Variants in CASR observed in about 807,000 individuals in gnomAD.
CASR encodes calcium sensing receptor, also known as extracellular calcium-sensing receptor.
A neutral mutation model predicts 69.1 loss-of-function variants in CASR; 23 were observed. The observed-to-expected ratio is 0.33, with a 90% CI of 0.24 to 0.47. CASR has a LOEUF of 0.47. Ranked by LOEUF, CASR falls within the 20% of genes least tolerant of loss-of-function variation. The probability of loss-of-function intolerance (pLI) is 1.00; values close to 1 mark genes in which losing one functional copy is unlikely to be tolerated. For missense variants in CASR, 924 were observed against 1,356.1 expected (o/e 0.68, Z 5.00); for synonymous variants, 541 against 544.7 (o/e 0.99, Z 0.10).
intron 1 of CASR, among the ~76,000 whole-genome samples, chr3:122,234,744 T>C (rs2074313247): frequency 6.6e-6 from 1 of 152,212 alleles, no homozygotes; most frequent in South Asian, 2.1e-4. Flanking sequence ...CTAATCCAAC[T>C]TCAAAGTCAG....
intron 1 of CASR, among the ~76,000 whole-genome samples, chr3:122,196,319 A>G (rs2073889661): frequency 6.6e-6 from 1 of 152,192 alleles, no homozygotes; most frequent in Non-Finnish European, 1.5e-5. Context: ...AAAAATAGAT[A>G]CTACAAAATA....
chr3:122,214,665 A>G (rs1388279514), intron 1 of CASR, among the ~76,000 whole-genome samples: 2 of 152,204 alleles, frequency 1.3e-5, no homozygotes, highest in Non-Finnish European at 2.9e-5. Context: ...CATAAACTGT[A>G]TAGGTACACT....
chr3:122,238,201 C>T (rs1034979563), intron 1 of CASR, among the ~76,000 whole-genome samples: 1 of 152,174 alleles, frequency 6.6e-6, no homozygotes, highest in Non-Finnish European at 1.5e-5. Context: ...CCTCCCCTAT[C>T]CCCCCAGCAG....
intron 1 of CASR, among the ~76,000 whole-genome samples, chr3:122,201,420 A>C (rs1576818278): frequency 6.6e-6 from 1 of 152,184 alleles, no homozygotes; most frequent in African/African-American, 2.4e-5. Context: ...AGACACAGCA[A>C]CCATCCGATT....
In CASR at chr3:122,254,141, T is replaced by C. The variant is rs764310311; in HGVS notation, c.-49T>C. 23 of 1,597,832 alleles carry C rather than the reference T, an allele frequency of 1.4e-5. No homozygotes were observed. The East Asian group carries it at 4.2e-4, about 29-fold the overall frequency. Reference sequence around the variant, plus strand: ...TCCAAGGGAGAAACTTCTGGGAGCCTCCAAACTCCTAGCTGTCTCATCCCT... The same window carrying C: ...TCCAAGGGAGAAACTTCTGGGAGCCCCCAAACTCCTAGCTGTCTCATCCCT... On this transcript the variant is annotated 5_prime_UTR_variant, in exon 2 of 7. Transcript: ENST00000639785.
rs541052349 is a variant in CASR at position 122,291,619 on chromosome 3, T to G, written c.*6428T>G. 1 of 152,328 alleles carries G rather than the reference T, an allele frequency of 6.6e-6. No individual in the cohort carries two copies. The highest frequency in any genetic ancestry group is 1.9e-4 in the East Asian group (1 of 5,190). The allele number at this position is 152,328 out of a possible 1,614,324, so 9.4% of individuals were successfully genotyped here. On this transcript the variant is annotated 3_prime_UTR_variant, in exon 7 of 7. Transcript: ENST00000639785. Reference sequence around the variant, plus strand: ...TATAACAGGAAAATAAAGAAAAGAATTTAAAATAAACATGCAACCAAATTT... The same window carrying G: ...TATAACAGGAAAATAAAGAAAAGAAGTTAAAATAAACATGCAACCAAATTT...
intron 1 of CASR, among the ~76,000 whole-genome samples, chr3:122,222,409 A>G (rs1270495217): frequency 1.3e-5 from 2 of 152,178 alleles, no homozygotes; most frequent in Non-Finnish European, 2.9e-5. Context: ...AGAAAAAAAA[A>G]TTCCTATTTG....
intron 5 of CASR, 108 bp downstream of exon 5, chr3:122,276,150 C>A: frequency 1.3e-6 from 1 of 756,098 alleles, no homozygotes; most frequent in Non-Finnish European, 2.4e-6. Context: ...AATAAAGAGT[C>A]CACTTCCCTG....
At chr3:122,205,955 C>G (rs779483198) in intron 1 of CASR, among the ~76,000 whole-genome samples, 1 of 151,784 alleles carries the variant, frequency 6.6e-6, no homozygotes, top group Admixed American at 6.6e-5. Flanking sequence ...TTTGTCAGTT[C>G]TAATAGTTTT....
intron 1 of CASR, among the ~76,000 whole-genome samples, chr3:122,186,548 G>C (rs1362176082): frequency 1.3e-5 from 2 of 152,200 alleles, no homozygotes; most frequent in Non-Finnish European, 2.9e-5. Flanking sequence ...GAACTAACTG[G>C]TATATAAAAC....
intron 1 of CASR, among the ~76,000 whole-genome samples, chr3:122,233,369 G>T (rs1444611163): frequency 6.6e-6 from 1 of 152,228 alleles, no homozygotes; most frequent in Non-Finnish European, 1.5e-5. Flanking sequence ...TGTCTCTCTT[G>T]TCTCACCAGT....
chr3:122,255,306 C>G (rs1401157518), intron 2 of CASR, among the ~76,000 whole-genome samples: 1 of 152,206 alleles, frequency 6.6e-6, no homozygotes, highest in African/African-American at 2.4e-5. Flanking sequence ...GACCCATCTT[C>G]TAGAGAGACT....
chr3:122,193,430 T>A (rs879576374), intron 1 of CASR, among the ~76,000 whole-genome samples: 15 of 152,288 alleles, frequency 9.8e-5, no homozygotes, highest in Middle Eastern at 3.4e-3. Context: ...TTGGCCAGGC[T>A]GGTCTCAAAC....
At chr3:122,276,141 AT>A in intron 5 of CASR, 99 bp downstream of exon 5, 1 of 787,394 alleles carries the variant, frequency 1.3e-6, no homozygotes, top group East Asian at 2.6e-5. Context: ...GACTTCCAAA[AT>A]AAAGAGTCCA....
rs372663379 is a variant in CASR at position 122,196,982 on chromosome 3, C to G, written c.-243+13170C>G. Reference sequence around the variant, plus strand: ...TATGTGTGGTCACAACATTAAAGATCTATTATCTTTGCCAATTTCAAGTGT... The same window carrying G: ...TATGTGTGGTCACAACATTAAAGATGTATTATCTTTGCCAATTTCAAGTGT... On this transcript the variant is annotated intron_variant, in intron 1 of 6. Transcript: ENST00000639785. Among the ~76,000 whole-genome samples the G allele has an allele frequency of 4.6e-5, 7 of 152,240 alleles. No individual in the cohort carries two copies. The East Asian group carries it at 9.6e-4, about 21-fold the overall frequency.
At chr3:122,199,535 G>A (rs2073921908) in intron 1 of CASR, among the ~76,000 whole-genome samples, 1 of 151,992 alleles carries the variant, frequency 6.6e-6, no homozygotes, top group Non-Finnish European at 1.5e-5. Flanking sequence ...GATTTTTATT[G>A]TTTTATTAAA....
At chr3:122,234,326 T>G (rs1321093849) in intron 1 of CASR, among the ~76,000 whole-genome samples, 1 of 152,210 alleles carries the variant, frequency 6.6e-6, no homozygotes, top group Non-Finnish European at 1.5e-5. Context: ...CAGCAAAACT[T>G]TATTTATAAA....
intron 4 of CASR, among the ~76,000 whole-genome samples, chr3:122,265,240 G>GGGTCAGTC (rs1326530128): frequency 2.0e-5 from 3 of 152,086 alleles, no homozygotes; most frequent in African/African-American, 7.2e-5. Flanking sequence ...GACTGAAATA[G>GGGTCAGTC]ACACTTATTA....
chr3:122,246,143 A>G (rs939081114), intron 1 of CASR, among the ~76,000 whole-genome samples: 2 of 152,182 alleles, frequency 1.3e-5, no homozygotes, highest in Non-Finnish European at 2.9e-5. Context: ...TTCTATCTCT[A>G]AAATTCTGTA....
Sources: gnomAD v4.1 joint callset for allele counts (sites outside exome capture counted in the v4.1 genomes callset) on GRCh38, gnomAD v4.1.1 for gene constraint, MANE v1.5 for transcripts, NCBI Gene and HGNC (gene_info 2026-07-23, HGNC 2026-07-21) for gene names.